The following GSAP variants were observed in gnomAD, a reference collection of about 807,000 sequenced individuals.
GSAP encodes gamma-secretase activating protein.
A neutral mutation model predicts 131.7 loss-of-function variants in GSAP; 118 were observed. The ratio of observed to expected loss-of-function variants is 0.90; its 90% confidence interval spans 0.77 to 1.04. The LOEUF (loss-of-function observed/expected upper bound fraction) is 1.04. Among genes scored for constraint, GSAP ranks in the 50% least tolerant of loss-of-function variants. The pLI is 0.00. For missense variants in GSAP, 1,019 were observed against 1,013.2 expected, an observed-to-expected ratio of 1.01 and a Z score of -0.08; for synonymous variants, 381 against 363.4, an observed-to-expected ratio of 1.05 and a Z score of -0.55.
intron 19 of GSAP, among the ~76,000 whole-genome samples, chr7:77,347,354 G>A (rs1792066527): frequency 6.6e-6 from 1 of 152,122 alleles, no homozygotes. Context: ...GTGGAGGGTA[G>A]TCTTGGGGAC....
rs1159467121 is a variant in GSAP at position 77,320,785 on chromosome 7, A to G, written c.2029T>C (p.Phe677Leu). The change falls in exon 26 of 31, where the codon TTT (phenylalanine) becomes CTT (leucine). Residue 677 changes from phenylalanine to leucine, a missense_variant. By Grantham distance (22) the Phe-to-Leu change is conservative. Transcript: ENST00000257626. ...SRGSAAEFAV[F>L]HIMTRILEAT... Reference sequence around the variant, plus strand: ...TCCAGAATCCTGGTCATGATGTGAAAAACTGCAAATTCAGCAGCACTGCCA... The same window carrying G: ...TCCAGAATCCTGGTCATGATGTGAAGAACTGCAAATTCAGCAGCACTGCCA... 1.9e-6 allele frequency: 3 copies of G among 1,612,594 alleles called. No homozygotes were observed. The highest frequency in any genetic ancestry group is 2.5e-6 in the Non-Finnish European group (3 of 1,178,668).
chr7:77,408,149 T>C (rs1442764840), intron 1 of GSAP, among the ~76,000 whole-genome samples: 1 of 152,234 alleles, frequency 6.6e-6, no homozygotes, highest in East Asian at 1.9e-4. Context: ...ATAAGTGTGT[T>C]TCACTTGGTG....
rs138480804 is a variant in GSAP, at chr7:77,358,161, C to A, written c.1028-2514G>T. Among the ~76,000 whole-genome samples the A allele has an allele frequency of 4.7e-3, 722 of 152,114 alleles. 7 individuals are homozygous for A. The highest frequency in any genetic ancestry group is 0.017 in the African/African-American group (697 of 41,486). Reference sequence around the variant, plus strand: ...TTCGAGACCAGCCTGGGCAGCATGACAAAACCCCATCTCTACAAAAAATAT... The same window carrying A: ...TTCGAGACCAGCCTGGGCAGCATGAAAAAACCCCATCTCTACAAAAAATAT... On this transcript the variant is annotated intron_variant, in intron 14 of 30. Coordinates refer to ENST00000257626, the MANE Select transcript of GSAP (RefSeq NM_017439.4).
intron 19 of GSAP, among the ~76,000 whole-genome samples, chr7:77,347,859 T>TA (rs1672880510): frequency 6.6e-6 from 1 of 151,922 alleles, no homozygotes; most frequent in East Asian, 1.9e-4. Flanking sequence ...TGTTGTCCAT[T>TA]AAAAAATTAT....
intron 12 of GSAP, among the ~76,000 whole-genome samples, chr7:77,365,302 G>A (rs764827260): frequency 4.0e-4 from 60 of 151,890 alleles, no homozygotes; most frequent in Non-Finnish European, 6.5e-4. Flanking sequence ...CATATCACAG[G>A]GGTTTATTTT....
intron 16 of GSAP, among the ~76,000 whole-genome samples, chr7:77,354,536 A>C (rs1237004395): frequency 6.6e-6 from 1 of 152,226 alleles, no homozygotes; most frequent in African/African-American, 2.4e-5. Context: ...AGGAAGTTAG[A>C]GGTAACTCAT....
intron 19 of GSAP, among the ~76,000 whole-genome samples, chr7:77,338,650 T>G (rs1443362565): frequency 6.6e-6 from 1 of 152,164 alleles, no homozygotes; most frequent in Admixed American, 6.5e-5. Flanking sequence ...GGAGGGCAAG[T>G]TGGCTCTGTG....
At chr7:77,357,307 T>C (rs1251857110) in intron 14 of GSAP, among the ~76,000 whole-genome samples, 2 of 152,132 alleles carry the variant, frequency 1.3e-5, no homozygotes, top group African/African-American at 4.8e-5. Flanking sequence ...CCTGAAGATA[T>C]GCACGTGCTA....
chr7:77,345,053 T>G (rs1791588946), intron 19 of GSAP, among the ~76,000 whole-genome samples: 1 of 152,234 alleles, frequency 6.6e-6, no homozygotes, highest in Admixed American at 6.5e-5. Flanking sequence ...AGCCTAAACT[T>G]GCCAACCAAG....
intron 8 of GSAP, chr7:77,379,822 G>A: frequency 2.0e-6 from 2 of 979,032 alleles, no homozygotes; most frequent in Non-Finnish European, 2.4e-6. Flanking sequence ...CGGGACAATG[G>A]TAGCCCAGAG....
chr7:77,389,307 TTTG>T (rs1451968531), intron 5 of GSAP, among the ~76,000 whole-genome samples: 4 of 148,140 alleles, frequency 2.7e-5, no homozygotes, highest in African/African-American at 5.2e-5. Context: ...ATATATATTT[TTTG>T]TTTGTTTGTT....
chr7:77,382,928 G>C (rs1798009462), intron 6 of GSAP, among the ~76,000 whole-genome samples: 1 of 152,294 alleles, frequency 6.6e-6, no homozygotes, highest in Admixed American at 6.5e-5. Flanking sequence ...GCTCACACCT[G>C]TATCCCCAGC....
intron 5 of GSAP, among the ~76,000 whole-genome samples, chr7:77,393,320 T>C (rs993188006): frequency 2.6e-5 from 4 of 152,190 alleles, no homozygotes; most frequent in Admixed American, 6.5e-5. Flanking sequence ...TCTGGTTACA[T>C]CATCTGAAAT....
chr7:77,316,766 T>C (rs1409239600), intron 26 of GSAP, among the ~76,000 whole-genome samples: 1 of 152,158 alleles, frequency 6.6e-6, no homozygotes, highest in Non-Finnish European at 1.5e-5. Context: ...TTGGCCTCTA[T>C]ACATCAGCTC....
chr7:77,332,287 A>G (rs749497244), intron 19 of GSAP, among the ~76,000 whole-genome samples: 1 of 152,242 alleles, frequency 6.6e-6, no homozygotes, highest in Non-Finnish European at 1.5e-5. Flanking sequence ...CATTTAAAAA[A>G]TCCCTTTCCT....
chr7:77,349,443 G>T, intron 18 of GSAP, 39 bp from the exon 19 acceptor site: 5 of 1,552,980 alleles, frequency 3.2e-6, no homozygotes, highest in Admixed American at 1.7e-5. Flanking sequence ...GCTGCTCAGT[G>T]TATGAACTAC....
chr7:77,384,069 T>A (rs1040013487), intron 6 of GSAP, among the ~76,000 whole-genome samples: 1 of 152,218 alleles, frequency 6.6e-6, no homozygotes, highest in African/African-American at 2.4e-5. Context: ...ATTTGTAAAA[T>A]GTCACACATC....
intron 12 of GSAP, among the ~76,000 whole-genome samples, chr7:77,373,197 T>C (rs1441849313): frequency 6.6e-6 from 1 of 152,228 alleles, no homozygotes; most frequent in African/African-American, 2.4e-5. Context: ...CATAATATGA[T>C]TCTATTTAAA....
intron 27 of GSAP, 118 bp downstream of exon 27, chr7:77,314,252 G>A (rs1450095319): frequency 2.1e-6 from 2 of 955,102 alleles, no homozygotes; most frequent in Non-Finnish European, 3.2e-6. Context: ...AAACTGAGCA[G>A]GGCACTCTTC....
Sources: allele counts gnomAD v4.1 joint callset (sites outside exome capture counted in the v4.1 genomes callset), GRCh38; gene constraint gnomAD v4.1.1; transcripts MANE v1.5; gene names NCBI Gene and HGNC (gene_info 2026-07-23, HGNC 2026-07-21).